PTPRZ1: variants seen among roughly 807,000 people sequenced by gnomAD.
The protein encoded by PTPRZ1 is receptor-type tyrosine-protein phosphatase zeta.
In PTPRZ1, 82 loss-of-function variants were observed where a neutral mutation model predicts 214.1. That is an observed-to-expected ratio of 0.38 (90% CI 0.32 to 0.46). The LOEUF is 0.46. Ranked by LOEUF, PTPRZ1 falls within the 20% of genes least tolerant of loss-of-function variation. The pLI, the probability that PTPRZ1 is intolerant of heterozygous loss-of-function variation, is 1.00. For missense variants in PTPRZ1, 2,603 were observed against 2,748.7 expected, an observed-to-expected ratio of 0.95 and a Z score of 1.19; for synonymous variants, 945 against 987.9, an observed-to-expected ratio of 0.96 and a Z score of 0.81.
intron 2 of PTPRZ1, among the ~76,000 whole-genome samples, chr7:121,938,088 C>G (rs1316417329): frequency 6.6e-6 from 1 of 152,086 alleles, no homozygotes; most frequent in Non-Finnish European, 1.5e-5. Context: ...ATTTCACCTT[C>G]CAGAGATAAC....
chr7:122,009,125 C>A (rs1042627018), intron 11 of PTPRZ1, among the ~76,000 whole-genome samples: 2 of 151,998 alleles, frequency 1.3e-5, no homozygotes, highest in Non-Finnish European at 2.9e-5. Context: ...AGATCAAGTG[C>A]ACTAACTTCC....
At chr7:122,053,536 T>C (rs1792254415) in intron 25 of PTPRZ1, among the ~76,000 whole-genome samples, 1 of 152,142 alleles carries the variant, frequency 6.6e-6, no homozygotes, top group African/African-American at 2.4e-5. Context: ...CAAGGCAACA[T>C]AAAAATCATA....
At chr7:121,968,581 G>A (rs1322954649) in intron 3 of PTPRZ1, among the ~76,000 whole-genome samples, 4 of 149,938 alleles carry the variant, frequency 2.7e-5, no homozygotes, top group Non-Finnish European at 5.9e-5. Context: ...AAGGTTTAAA[G>A]TTGTATCCCA....
chr7:121,958,839 T>G lies in PTPRZ1; in HGVS notation c.125-9112T>G, dbSNP rs961564984. Among the ~76,000 whole-genome samples, 9 of 152,150 alleles carry G rather than the reference T, an allele frequency of 5.9e-5. No homozygotes were observed. In the East Asian group the frequency reaches 1.7e-3, roughly 29 times the overall value. ...ATCTTTTGTTGTTGTTGTTGTTGTT[T>G]TTGAGACAGAGTCTCACTCTGTTGC... On this transcript the variant is annotated intron_variant, in intron 2 of 29. Transcript: ENST00000393386.
intron 1 of PTPRZ1, among the ~76,000 whole-genome samples, chr7:121,910,569 C>T (rs1478701222): frequency 6.6e-6 from 1 of 151,044 alleles, no homozygotes; most frequent in African/African-American, 2.5e-5. Flanking sequence ...TTAAATGGTG[C>T]TTGGCATACA....
chr7:121,906,877 G>A (rs147892649), intron 1 of PTPRZ1, among the ~76,000 whole-genome samples: 11 of 152,254 alleles, frequency 7.2e-5, no homozygotes, highest in African/African-American at 2.4e-4. Flanking sequence ...ATAAACTTGA[G>A]TTGTATTCAG....
In PTPRZ1 at chr7:122,051,894, C is replaced by G. The variant is rs761151256; in HGVS notation, c.6207C>G (p.Ser2069=). Reference sequence around the variant, plus strand: ...AAAGATCAAGGGTTGGCATTTCATCCCTGAGTGGAGAAGGCACAGACTACA... The same window carrying G: ...AAAGATCAAGGGTTGGCATTTCATCGCTGAGTGGAGAAGGCACAGACTACA... ...PVERSRVGIS[S]LSGEGTDYIN... The change falls in exon 25 of 30, where the codon TCC becomes TCG. Residue 2069 remains serine, a synonymous_variant. Coordinates refer to ENST00000393386, the MANE Select transcript of PTPRZ1 (RefSeq NM_002851.3). 3 of 1,612,110 alleles carry G rather than the reference C, an allele frequency of 1.9e-6. No homozygotes were observed. The highest frequency in any genetic ancestry group is 2.5e-6 in the Non-Finnish European group (3 of 1,179,528).
intron 2 of PTPRZ1, among the ~76,000 whole-genome samples, chr7:121,961,754 T>C (rs773741657): frequency 6.6e-6 from 1 of 152,216 alleles, no homozygotes; most frequent in East Asian, 1.9e-4. Context: ...GGCAATGGCA[T>C]GTAGATGAAA....
At chr7:122,050,451 A>AG (rs1193236593) in intron 23 of PTPRZ1, among the ~76,000 whole-genome samples, 947 of 85,330 alleles carry the variant, frequency 0.011, 13 homozygotes, top group Non-Finnish European at 0.013. Flanking sequence ...AGGAGAGGGG[A>AG]GGGAAAAGGA....
chr7:121,928,019 G>A (rs1795814341), intron 1 of PTPRZ1, 137 bp from the exon 2 acceptor site: 1 of 675,008 alleles, frequency 1.5e-6, no homozygotes, highest in Admixed American at 2.3e-5. Context: ...TGGTGGTTGA[G>A]GTTGAGAGAA....
chr7:121,925,138 C>A (rs1192492065), intron 1 of PTPRZ1, among the ~76,000 whole-genome samples: 1 of 152,130 alleles, frequency 6.6e-6, no homozygotes, highest in African/African-American at 2.4e-5. Context: ...GCTGCCTGTA[C>A]AAACCACTTA....
chr7:121,977,362 C>T (rs1797472740), intron 6 of PTPRZ1, among the ~76,000 whole-genome samples: 1 of 152,138 alleles, frequency 6.6e-6, no homozygotes, highest in South Asian at 2.1e-4. Context: ...ATGCAATATG[C>T]TTTGACATTG....
At position 122,012,951 on chromosome 7, in the gene PTPRZ1, A is replaced by C; in HGVS notation, c.3905A>C (p.Gln1302Pro). 1 of 1,614,062 alleles carries C rather than the reference A, an allele frequency of 6.2e-7. No homozygotes were observed. Among genetic ancestry groups the C allele is most frequent in the Non-Finnish European group, 8.5e-7 (1 of 1,179,904 alleles). Residue 1302 changes from glutamine to proline, a missense_variant, in exon 12 of 30, where the codon CAG becomes CCG. Coordinates refer to ENST00000393386, the MANE Select transcript of PTPRZ1 (RefSeq NM_002851.3). ...CAAACGGCCAATTTGGAGATTAACCAGGCCCATCCCCCAAAAGGAAGGCAT... is the reference window on the plus strand; with the variant it reads ...CAAACGGCCAATTTGGAGATTAACCCGGCCCATCCCCCAAAAGGAAGGCAT... ...LFQTANLEIN[Q>P]AHPPKGRHVF...
Position 122,059,916 on chromosome 7 carries a change from T to A in PTPRZ1, c.6807+28T>A, listed in dbSNP as rs762323794. Reference sequence around the variant, plus strand: ...AAGTAACAAGGCAGTGAACGAAATTTTTCACTGATAGAGTACAACTAACTT... The same window carrying A: ...AAGTAACAAGGCAGTGAACGAAATTATTCACTGATAGAGTACAACTAACTT... On this transcript the variant is annotated intron_variant, in intron 29 of 29. Coordinates refer to ENST00000393386, the MANE Select transcript of PTPRZ1 (RefSeq NM_002851.3). 65 of 1,601,188 alleles carry A rather than the reference T, an allele frequency of 4.1e-5. 1 individual carries two copies. In the South Asian group the frequency reaches 6.7e-4, roughly 16 times the overall value.
intron 1 of PTPRZ1, among the ~76,000 whole-genome samples, chr7:121,898,533 A>C (rs1022921233): frequency 6.6e-6 from 1 of 151,898 alleles, no homozygotes; most frequent in Non-Finnish European, 1.5e-5. Flanking sequence ...GTCAGCCTTC[A>C]TTTTTTTTAA....
intron 2 of PTPRZ1, among the ~76,000 whole-genome samples, chr7:121,929,249 T>A (rs1190525646): frequency 6.6e-6 from 1 of 152,154 alleles, no homozygotes; most frequent in Non-Finnish European, 1.5e-5. Context: ...CCAAAATTTA[T>A]ATATTTTATT....
At chr7:122,026,606 C>T (rs1799213141) in intron 13 of PTPRZ1, among the ~76,000 whole-genome samples, 1 of 152,112 alleles carries the variant, frequency 6.6e-6, no homozygotes, top group South Asian at 2.1e-4. Flanking sequence ...CTCCATTTTC[C>T]AGGATATTAA....
chr7:121,989,570 C>G lies in PTPRZ1; in HGVS notation c.928+5453C>G, dbSNP rs142273027. Among the ~76,000 whole-genome samples the G allele has an allele frequency of 2.2e-3, 340 of 152,194 alleles. 2 individuals are homozygous for G. The highest frequency in any genetic ancestry group is 7.8e-3 in the African/African-American group (326 of 41,538). On this transcript the variant is annotated intron_variant, in intron 8 of 29. Transcript: ENST00000393386. ...TGTATTTTTAGTAGAGACAGGGTTT[C>G]GCCATGTTAGTCAGGCTGGTCTTGA...
chr7:122,041,252 C>T (rs1799723238), intron 21 of PTPRZ1, among the ~76,000 whole-genome samples: 1 of 152,124 alleles, frequency 6.6e-6, no homozygotes, highest in Non-Finnish European at 1.5e-5. Flanking sequence ...CTATTTGAGG[C>T]AGGTGGAACA....
Sources: allele counts gnomAD v4.1 joint callset (sites outside exome capture counted in the v4.1 genomes callset), GRCh38; gene constraint gnomAD v4.1.1; transcripts MANE v1.5; gene names NCBI Gene and HGNC (gene_info 2026-07-23, HGNC 2026-07-21).